Variants in PI4KA observed in about 807,000 individuals in gnomAD.
PI4KA encodes the protein phosphatidylinositol 4-kinase alpha.
In PI4KA, 122 loss-of-function variants were observed where a neutral mutation model predicts 271.4. The observed-to-expected ratio is 0.45, with a 90% confidence interval of 0.39 to 0.52. The LOEUF is 0.52. Among genes scored for constraint, PI4KA ranks in the 20% least tolerant of loss-of-function variants. The pLI, the probability that PI4KA is intolerant of heterozygous loss-of-function variation, is 0.00. For missense variants in PI4KA, 1,969 were observed against 2,769.1 expected (o/e 0.71, Z 6.48); for synonymous variants, 1,041 against 1,078.8 (o/e 0.96, Z 0.69).
chr22:20,820,717 C>T (rs764933939), intron 4 of PI4KA, 106 bp from the exon 5 acceptor site: 123 of 772,332 alleles, frequency 1.6e-4, no homozygotes, highest in Non-Finnish European at 2.3e-4. Flanking sequence ...TCTTAACCAA[C>T]CCCATATATG....
At chr22:20,842,909 G>C (rs1278862641) in intron 1 of PI4KA, among the ~76,000 whole-genome samples, 3 of 151,568 alleles carry the variant, frequency 2.0e-5, no homozygotes, top group Non-Finnish European at 4.4e-5. Flanking sequence ...AGGAGATCGA[G>C]ACCACAGTGA....
chr22:20,747,846 C>T (rs991031520), intron 28 of PI4KA, 144 bp from the exon 29 acceptor site: 10 of 753,246 alleles, frequency 1.3e-5, no homozygotes, highest in South Asian at 1.9e-5. Flanking sequence ...GCCATCCTCC[C>T]GCCTCAGCTT....
At chr22:20,839,414 G>C (rs1199098302) in intron 1 of PI4KA, among the ~76,000 whole-genome samples, 1 of 152,200 alleles carries the variant, frequency 6.6e-6, no homozygotes, top group Non-Finnish European at 1.5e-5. Flanking sequence ...GAGGGGGTAA[G>C]ACACAATGGC....
intron 8 of PI4KA, among the ~76,000 whole-genome samples, chr22:20,811,607 CA>C (rs1185062165): frequency 6.0e-4 from 68 of 112,414 alleles, no homozygotes; most frequent in African/African-American, 1.1e-3. Context: ...TGCAGAACCA[CA>C]AAAAAAAAAA....
intron 22 of PI4KA, among the ~76,000 whole-genome samples, chr22:20,762,959 T>C (rs993997861): frequency 1.5e-5 from 2 of 136,972 alleles, no homozygotes; most frequent in East Asian, 4.4e-4. Context: ...GTCTCCTGAG[T>C]AGCTGGGACT....
rs1601524081 is a variant in PI4KA at position 20,799,022 on chromosome 22, C to A, written c.2004+71G>T. The A allele has an allele frequency of 3.2e-6, 4 of 1,250,314 alleles. No homozygotes were observed. In the East Asian group the frequency reaches 7.2e-5, roughly 22 times the overall value. The allele number at this position is 1,250,314 out of a possible 1,614,324, so 77.5% of individuals were successfully genotyped here. On this transcript the variant is annotated intron_variant, in intron 16 of 54. Coordinates refer to ENST00000255882, the MANE Select transcript of PI4KA (RefSeq NM_058004.4). ...AAGGTATATTTAATCTGTATTTGTA[C>A]ATCCCTTATAGTCAAGAGTTTAACG...
chr22:20,842,466 C>G (rs1420118779), intron 1 of PI4KA, among the ~76,000 whole-genome samples: 3 of 152,156 alleles, frequency 2.0e-5, no homozygotes, highest in Non-Finnish European at 4.4e-5. Flanking sequence ...TTAAACAAAA[C>G]TCAAAGCCTA....
At chr22:20,790,618 G>A (rs377588379) in intron 19 of PI4KA, among the ~76,000 whole-genome samples, 7 of 151,282 alleles carry the variant, frequency 4.6e-5, no homozygotes, top group African/African-American at 1.7e-4. Context: ...CCAAAATCAC[G>A]CCACTGCACT....
At chr22:20,786,299 G>T (rs555088919) in intron 19 of PI4KA, 2 of 884,476 alleles carry the variant, frequency 2.3e-6, no homozygotes, top group South Asian at 1.4e-5. Flanking sequence ...TACACAGAAT[G>T]CCTAGTTTCA....
chr22:20,752,804 T>C (rs1480236154), intron 25 of PI4KA, 99 bp downstream of exon 25: 2 of 1,305,578 alleles, frequency 1.5e-6, no homozygotes, highest in African/African-American at 1.5e-5. Context: ...GACTCCATTT[T>C]TTCCTAGATT....
In PI4KA at chr22:20,734,902, C is replaced by T. The variant is rs1049326756; in HGVS notation, c.3742-349G>A. Reference sequence around the variant, plus strand: ...CCTGATAACCCTCTGTGGCTGTGAGCGGGAAGACCCCTCTGTGGGATGCTG... The same window carrying T: ...CCTGATAACCCTCTGTGGCTGTGAGTGGGAAGACCCCTCTGTGGGATGCTG... On this transcript the variant is annotated intron_variant, in intron 32 of 54. Transcript: ENST00000255882. Among the ~76,000 whole-genome samples the T allele has an allele frequency of 8.5e-5, 13 of 152,266 alleles. No homozygotes were observed. The East Asian group carries it at 9.7e-4, about 11-fold the overall frequency.
At chr22:20,753,082 G>C (rs1188294226) in intron 24 of PI4KA, 28 bp downstream of exon 24, 2 of 1,614,130 alleles carry the variant, frequency 1.2e-6, no homozygotes, top group Non-Finnish European at 8.5e-7. Context: ...CCAGCAGACA[G>C]ACACGCATTC....
chr22:20,852,977 C>T (rs1927174042), intron 1 of PI4KA, among the ~76,000 whole-genome samples: 1 of 152,204 alleles, frequency 6.6e-6, no homozygotes, highest in African/African-American at 2.4e-5. Context: ...CAGCTCACAC[C>T]TGTAATCCCA....
intron 3 of PI4KA, among the ~76,000 whole-genome samples, chr22:20,826,739 C>T (rs1923469913): frequency 1.3e-5 from 2 of 152,138 alleles, no homozygotes; most frequent in South Asian, 4.2e-4. Context: ...TTAATAATAG[C>T]CATTCTGACT....
At position 20,727,320 on chromosome 22, in the gene PI4KA, T is replaced by A; in HGVS notation, c.4851A>T (p.Pro1617=). 6.2e-7 allele frequency: 1 copy of A among 1,612,668 alleles called. No individual in the cohort carries two copies. Among genetic ancestry groups the A allele is most frequent in the Non-Finnish European group, 8.5e-7 (1 of 1,179,822 alleles). Residue 1617 remains proline (P), a synonymous_variant, in exon 41 of 55, where the codon CCA becomes CCT. Coordinates refer to ENST00000255882, the MANE Select transcript of PI4KA (RefSeq NM_058004.4). ...SHVLCWAPTD[P]PTGLSYFSSM... ...TGGAGAAGTAGGAGAGGCCTGTGGG[T>A]GGGTCCGTGGGCGCCCAGCACAGCA... is the stretch of plus-strand genomic sequence containing the variant.
At chr22:20,751,412 C>G in intron 26 of PI4KA, 36 bp from the exon 27 acceptor site, 1 of 1,592,710 alleles carries the variant, frequency 6.3e-7, no homozygotes, top group Non-Finnish European at 8.6e-7. Context: ...TCCAAACTGC[C>G]TTCCCCAAGT....
At chr22:20,838,467 C>T in intron 2 of PI4KA, 148 bp downstream of exon 2, 1 of 520,776 alleles carries the variant, frequency 1.9e-6, no homozygotes. Context: ...TCATTCCCAC[C>T]TTGTCCTACC....
chr22:20,724,530 T>C (rs1182705097), intron 42 of PI4KA, among the ~76,000 whole-genome samples: 1 of 151,202 alleles, frequency 6.6e-6, no homozygotes, highest in Non-Finnish European at 1.5e-5. Flanking sequence ...ACTGCTTGAA[T>C]CTGGGAGGCA....
rs544851322 is a variant in PI4KA at position 20,714,081 on chromosome 22, A to T, written c.5461+377T>A. 3.1e-4 allele frequency among the ~76,000 whole-genome samples: 47 copies of T among 152,272 alleles called. No homozygotes were observed. The East Asian group carries it at 7.9e-3, about 26-fold the overall frequency. On this transcript the variant is annotated intron_variant, in intron 47 of 54. Transcript: ENST00000255882. ...AACACCACCAGAAGCTGAGGAGGCA[A>T]GGTGTGACCTGCCCAGAGCCTTCAG...
Sources: gnomAD v4.1 joint callset for allele counts (sites outside exome capture counted in the v4.1 genomes callset) on GRCh38, gnomAD v4.1.1 for gene constraint, MANE v1.5 for transcripts, NCBI Gene and HGNC (gene_info 2026-07-23, HGNC 2026-07-21) for gene names.